Variants in LRBA observed in about 807,000 individuals in gnomAD.
LRBA encodes lipopolysaccharide-responsive and beige-like anchor protein.
A neutral mutation model predicts 330.0 loss-of-function variants in LRBA; 176 were observed. That is an observed-to-expected ratio of 0.53 (90% CI 0.47 to 0.60). LRBA has a LOEUF of 0.60. Among genes scored for constraint, LRBA ranks in the 20% least tolerant of loss-of-function variants. LRBA has a pLI of 0.00. For synonymous variants in LRBA, 1,230 were observed against 1,193.0 expected (o/e 1.03, Z -0.64); for missense variants, 3,259 against 3,444.8 (o/e 0.95, Z 1.35).
intron 47 of LRBA, among the ~76,000 whole-genome samples, chr4:150,358,447 A>C (rs945479810): frequency 3.3e-5 from 5 of 152,138 alleles, no homozygotes; most frequent in Non-Finnish European, 7.4e-5. Context: ...ATAAATATGC[A>C]TCAAAAACTT....
chr4:150,954,163 C>T (rs1213779888), intron 2 of LRBA, among the ~76,000 whole-genome samples: 1 of 149,874 alleles, frequency 6.7e-6, no homozygotes. Flanking sequence ...CAGCCCCCGC[C>T]CGGCCAGCCG....
At chr4:150,746,541 C>T (rs1257571615) in intron 35 of LRBA, among the ~76,000 whole-genome samples, 6 of 142,200 alleles carry the variant, frequency 4.2e-5, no homozygotes, top group South Asian at 2.3e-4. Context: ...GACAGAGTCT[C>T]GCTCCATCGC....
At chr4:150,404,430 T>C (rs1054053097) in intron 47 of LRBA, among the ~76,000 whole-genome samples, 1 of 152,110 alleles carries the variant, frequency 6.6e-6, no homozygotes, top group Non-Finnish European at 1.5e-5. Flanking sequence ...ATAAGAAGGG[T>C]AACGATGCAC....
chr4:150,270,332 G>C (rs1484106915), intron 56 of LRBA, among the ~76,000 whole-genome samples: 1 of 152,166 alleles, frequency 6.6e-6, no homozygotes, highest in Admixed American at 6.5e-5. Flanking sequence ...ATCATCAACA[G>C]GTGAACGATA....
intron 53 of LRBA, among the ~76,000 whole-genome samples, chr4:150,295,201 T>TTC (rs1330478679): frequency 2.9e-5 from 4 of 139,842 alleles, no homozygotes; most frequent in Admixed American, 1.4e-4. Context: ...TAGCTTTTTT[T>TTC]TTTTTTTTTT....
chr4:150,313,538 CAGGG>C (rs1731332523), intron 51 of LRBA, among the ~76,000 whole-genome samples: 1 of 152,054 alleles, frequency 6.6e-6, no homozygotes, highest in South Asian at 2.1e-4. Flanking sequence ...TGATCTAGGG[CAGGG>C]ACAGCAAAAC....
chr4:150,632,181 A>G (rs918120139), intron 37 of LRBA, among the ~76,000 whole-genome samples: 2 of 151,390 alleles, frequency 1.3e-5, no homozygotes, highest in African/African-American at 4.9e-5. Flanking sequence ...CAGTGAGCAG[A>G]GATCATGCCA....
chr4:150,703,147 C>T (rs961032300), intron 36 of LRBA, among the ~76,000 whole-genome samples: 4 of 152,146 alleles, frequency 2.6e-5, no homozygotes, highest in Non-Finnish European at 4.4e-5. Flanking sequence ...GGCGACAGTG[C>T]GAGACTTCGT....
intron 47 of LRBA, among the ~76,000 whole-genome samples, chr4:150,401,854 T>C (rs1326246261): frequency 1.3e-5 from 2 of 151,890 alleles, no homozygotes; most frequent in Admixed American, 1.3e-4. Context: ...TGTGTATATA[T>C]AATTATGTGG....
chr4:150,690,510 A>C (rs1445630210), intron 36 of LRBA, among the ~76,000 whole-genome samples: 1 of 152,008 alleles, frequency 6.6e-6, no homozygotes, highest in East Asian at 1.9e-4. Context: ...TCAAAAAAAA[A>C]AAAAAAAGGT....
At chr4:150,928,211 T>G (rs1412535477) in intron 4 of LRBA, among the ~76,000 whole-genome samples, 1 of 152,248 alleles carries the variant, frequency 6.6e-6, no homozygotes, top group African/African-American at 2.4e-5. Flanking sequence ...AGGTAGGTAC[T>G]ACTACCTAAT....
chr4:150,300,441 GA>G (rs1427481503), intron 53 of LRBA, among the ~76,000 whole-genome samples: 2 of 151,988 alleles, frequency 1.3e-5, no homozygotes, highest in Non-Finnish European at 2.9e-5. Context: ...AGTACGCTAT[GA>G]AAAATATAAC....
chr4:150,851,896 G>A lies in LRBA; in HGVS notation c.3814C>T (p.His1272Tyr). ...ATATATAAAATCACCTCAAGCACAT[G>A]TCGATGAGGTTGAGGTGCTTCCACG... ...PNVEAPQPHRHVLEISRQHEQ... is the reference protein window; with the variant it reads ...PNVEAPQPHRYVLEISRQHEQ... Residue 1272 changes from histidine (H) to tyrosine (Y), a missense_variant, in exon 23 of 57, where the codon CAT becomes TAT. By Grantham distance (83) the His-to-Tyr change is moderately conservative (BLOSUM62 2). Coordinates refer to ENST00000651943, the MANE Select transcript of LRBA (RefSeq NM_001364905.1). 1.2e-6 allele frequency: 2 copies of A among 1,608,196 alleles called. No individual in the cohort carries two copies. The highest frequency in any genetic ancestry group is 1.3e-5 in the African/African-American group (1 of 74,784).
At chr4:150,685,513 A>C (rs1395572800) in intron 36 of LRBA, among the ~76,000 whole-genome samples, 108 of 133,558 alleles carry the variant, frequency 8.1e-4, no homozygotes, top group African/African-American at 3.1e-3. Flanking sequence ...GGCTCACTGC[A>C]ACCTCCGCCT....
chr4:150,582,898 A>T, intron 40 of LRBA: 1 of 1,109,962 alleles, frequency 9.0e-7, no homozygotes, highest in Non-Finnish European at 1.3e-6. Flanking sequence ...GTGGAAAACG[A>T]GAGTGAAAGT....
intron 35 of LRBA, among the ~76,000 whole-genome samples, chr4:150,761,254 T>G (rs1052908943): frequency 6.6e-6 from 1 of 152,136 alleles, no homozygotes; most frequent in East Asian, 1.9e-4. Flanking sequence ...TTTTCATCTC[T>G]GTACTTTCTT....
At chr4:150,652,017 T>A (rs1244590890) in intron 37 of LRBA, among the ~76,000 whole-genome samples, 1 of 152,150 alleles carries the variant, frequency 6.6e-6, no homozygotes, top group Non-Finnish European at 1.5e-5. Flanking sequence ...ATAATTTTTG[T>A]ATTTTTTGTA....
chr4:150,968,986 A>C (rs1739217304), intron 2 of LRBA, among the ~76,000 whole-genome samples: 1 of 152,176 alleles, frequency 6.6e-6, no homozygotes, highest in Admixed American at 6.5e-5. Flanking sequence ...TGCTCTATAA[A>C]TGGAACAACA....
intron 13 of LRBA, among the ~76,000 whole-genome samples, chr4:150,903,496 T>TG (rs1004804272): frequency 6.6e-6 from 1 of 151,854 alleles, no homozygotes; most frequent in Non-Finnish European, 1.5e-5. Flanking sequence ...CCAGCACTCT[T>TG]GGGGGGCTGA....
Sources: allele counts gnomAD v4.1 joint callset (sites outside exome capture counted in the v4.1 genomes callset), GRCh38; gene constraint gnomAD v4.1.1; transcripts MANE v1.5; gene names NCBI Gene and HGNC (gene_info 2026-07-23, HGNC 2026-07-21).